MAST4: variants seen among roughly 807,000 people sequenced by gnomAD.
The protein encoded by MAST4 is microtubule-associated serine/threonine-protein kinase 4.
Under a neutral mutation model 162.7 loss-of-function variants are expected in MAST4, and 89 were observed. The observed-to-expected ratio is 0.55, with a 90% CI of 0.46 to 0.65. The LOEUF (loss-of-function observed/expected upper bound fraction) is 0.65, where lower values mean the gene tolerates loss of function less well. Ranked by LOEUF, MAST4 falls within the 30% of genes least tolerant of loss-of-function variation. The probability of loss-of-function intolerance (pLI) is 0.00; values close to 1 mark genes in which losing one functional copy is unlikely to be tolerated. For synonymous variants in MAST4, 1,479 were observed against 1,361.1 expected (o/e 1.09, Z -1.91); for missense variants, 3,153 against 3,374.0 (o/e 0.93, Z 1.62).
At chr5:66,937,605 T>C (rs1742895846) in intron 4 of MAST4, among the ~76,000 whole-genome samples, 1 of 152,200 alleles carries the variant, frequency 6.6e-6, no homozygotes, top group Non-Finnish European at 1.5e-5. Context: ...GGTAGACATA[T>C]GTTTCTATAT....
intron 1 of MAST4, among the ~76,000 whole-genome samples, chr5:66,730,290 A>G (rs1239600955): frequency 6.6e-6 from 1 of 152,174 alleles, no homozygotes; most frequent in Non-Finnish European, 1.5e-5. Flanking sequence ...AGCAAATTAA[A>G]ACATCCTCTT....
At chr5:66,980,161 G>A (rs1021479412) in intron 4 of MAST4, among the ~76,000 whole-genome samples, 10 of 152,222 alleles carry the variant, frequency 6.6e-5, no homozygotes, top group Non-Finnish European at 1.2e-4. Context: ...TGTCTCTTGC[G>A]GTGGCTGAGA....
intron 3 of MAST4, among the ~76,000 whole-genome samples, chr5:66,875,204 A>G (rs1326913085): frequency 6.6e-6 from 1 of 152,200 alleles, no homozygotes; most frequent in Non-Finnish European, 1.5e-5. Flanking sequence ...ATATTTAAGG[A>G]CATAGAAAGA....
intron 14 of MAST4, among the ~76,000 whole-genome samples, chr5:67,124,967 G>T (rs969968857): frequency 6.6e-6 from 1 of 152,074 alleles, no homozygotes; most frequent in African/African-American, 2.4e-5. Flanking sequence ...CAAACATATT[G>T]CAGAGCAGTT....
At chr5:66,672,915 A>T (rs1436191016) in intron 1 of MAST4, among the ~76,000 whole-genome samples, 1 of 152,130 alleles carries the variant, frequency 6.6e-6, no homozygotes, top group African/African-American at 2.4e-5. Context: ...CAGCCCTTAC[A>T]TGAGGGGTTC....
chr5:66,687,636 T>TTATCTATC (rs34407559), intron 1 of MAST4, among the ~76,000 whole-genome samples: 53 of 149,530 alleles, frequency 3.5e-4, no homozygotes, highest in Admixed American at 5.3e-4. Context: ...GTGTGTGTGT[T>TTATCTATC]TATCTATCTA....
intron 27 of MAST4, 120 bp from the exon 28 acceptor site, chr5:67,162,487 G>A: frequency 1.2e-6 from 1 of 802,124 alleles, no homozygotes; most frequent in African/African-American, 1.7e-5. Flanking sequence ...CTCTTTAATA[G>A]GATCTGCTGT....
chr5:67,041,332 C>T (rs1756710506), intron 4 of MAST4, among the ~76,000 whole-genome samples: 2 of 152,122 alleles, frequency 1.3e-5, no homozygotes, highest in Admixed American at 6.5e-5. Context: ...CTGAAACCCA[C>T]CAATTATACT....
intron 4 of MAST4, among the ~76,000 whole-genome samples, chr5:66,944,818 T>C (rs933019583): frequency 2.6e-4 from 40 of 152,050 alleles, no homozygotes; most frequent in African/African-American, 8.9e-4. Flanking sequence ...CTTGCGAGAG[T>C]AGAAGCGCTT....
At chr5:66,656,247 G>C (rs1034548884) in intron 1 of MAST4, among the ~76,000 whole-genome samples, 1 of 152,272 alleles carries the variant, frequency 6.6e-6, no homozygotes, top group South Asian at 2.1e-4. Context: ...GTCAGGGTTA[G>C]AGTTTACTTA....
At chr5:66,778,134 C>T (rs928322531) in intron 2 of MAST4, among the ~76,000 whole-genome samples, 5 of 152,222 alleles carry the variant, frequency 3.3e-5, no homozygotes, top group African/African-American at 1.2e-4. Context: ...CTCAGCAACA[C>T]TGCTTGATGT....
intron 5 of MAST4, among the ~76,000 whole-genome samples, chr5:67,079,887 G>T (rs112327564): frequency 0.019 from 2,958 of 152,220 alleles, 107 homozygotes; most frequent in African/African-American, 0.068. Context: ...TGCCTCATGG[G>T]TTAGAGGCTT....
intron 3 of MAST4, among the ~76,000 whole-genome samples, chr5:66,857,465 C>G (rs111266600): frequency 2.0e-5 from 3 of 152,174 alleles, no homozygotes; most frequent in Admixed American, 6.5e-5. Flanking sequence ...CATTTTTAAC[C>G]TTAATGGATA....
At position 66,597,026 on chromosome 5, in the gene MAST4, T is replaced by C; in HGVS notation, c.363+8T>C. On this transcript the variant is annotated splice_region_variant and intron_variant, in intron 1 of 28. Transcript: ENST00000403625. ...GAGGAGCAGGACGAGGAGGTGGGCC[T>C]TTCCCCAGCTTGCCCACTCTGGGTT... is the stretch of plus-strand genomic sequence containing the variant. 7.0e-7 allele frequency: 1 copy of C among 1,422,432 alleles called. No homozygotes were observed. Among genetic ancestry groups the C allele is most frequent in the Non-Finnish European group, 9.1e-7 (1 of 1,095,718 alleles). 88.1% of individuals were successfully genotyped at this position (1,422,432 alleles called of 1,614,324 possible).
chr5:66,628,144 C>G (rs1744558796), intron 1 of MAST4, among the ~76,000 whole-genome samples: 1 of 152,034 alleles, frequency 6.6e-6, no homozygotes. Context: ...GTGATCCTCC[C>G]ACTCTAGCCT....
At chr5:66,694,692 G>A (rs1749282996) in intron 1 of MAST4, among the ~76,000 whole-genome samples, 1 of 152,058 alleles carries the variant, frequency 6.6e-6, no homozygotes, top group South Asian at 2.1e-4. Context: ...TCGCCATGTT[G>A]GGCAGGCTGG....
intron 4 of MAST4, among the ~76,000 whole-genome samples, chr5:66,960,954 G>A (rs1440671667): frequency 2.6e-5 from 4 of 152,082 alleles, no homozygotes; most frequent in Admixed American, 1.3e-4. Context: ...ATCAGGCCAC[G>A]CCCCCTCCTT....
At chr5:67,049,060 C>CAT (rs1554087472) in intron 4 of MAST4, among the ~76,000 whole-genome samples, 11 of 82,832 alleles carry the variant, frequency 1.3e-4, no homozygotes, top group African/African-American at 6.2e-4. Context: ...TATATATATA[C>CAT]GTATATATAT....
intron 1 of MAST4, among the ~76,000 whole-genome samples, chr5:66,614,315 C>T (rs1029500088): frequency 6.6e-6 from 1 of 152,190 alleles, no homozygotes; most frequent in African/African-American, 2.4e-5. Flanking sequence ...AGTGTGTACT[C>T]TGGACTTTTG....
Sources: allele counts gnomAD v4.1 joint callset (sites outside exome capture counted in the v4.1 genomes callset), GRCh38; gene constraint gnomAD v4.1.1; transcripts MANE v1.5; gene names NCBI Gene and HGNC (gene_info 2026-07-23, HGNC 2026-07-21).